Variants in CSMD1 observed in about 807,000 individuals in gnomAD.
The protein encoded by CSMD1 is CUB and Sushi multiple domains 1.
A neutral mutation model predicts 417.5 loss-of-function variants in CSMD1; 213 were observed. That is an observed-to-expected ratio of 0.51 (90% CI 0.46 to 0.57). The LOEUF is 0.57. Ranked by LOEUF, CSMD1 falls within the 20% of genes least tolerant of loss-of-function variation. The pLI, the probability that CSMD1 is intolerant of heterozygous loss-of-function variation, is 0.00. For missense variants in CSMD1, 6,923 were observed against 4,529.7 expected (o/e 1.53, Z -15.17); for synonymous variants, 2,862 against 1,736.8 (o/e 1.65, Z -16.11).
intron 7 of CSMD1, among the ~76,000 whole-genome samples, chr8:3,647,296 T>C (rs778626996): frequency 6.6e-6 from 1 of 152,184 alleles, no homozygotes; most frequent in African/African-American, 2.4e-5. Context: ...CCCAATGTCA[T>C]GTGTGAGCCT....
intron 2 of CSMD1, among the ~76,000 whole-genome samples, chr8:4,487,726 T>G (rs776438732): frequency 2.6e-5 from 4 of 152,130 alleles, no homozygotes; most frequent in Non-Finnish European, 5.9e-5. Context: ...TTAGAGGATA[T>G]AAAAATAAAG....
chr8:4,684,320 G>C (rs184305889), intron 1 of CSMD1, among the ~76,000 whole-genome samples: 9 of 152,256 alleles, frequency 5.9e-5, no homozygotes, highest in African/African-American at 1.9e-4. Flanking sequence ...TCGGTTTTCT[G>C]TTTGTCCAAC....
At chr8:4,062,840 A>G (rs1426328697) in intron 3 of CSMD1, among the ~76,000 whole-genome samples, 2 of 151,906 alleles carry the variant, frequency 1.3e-5, no homozygotes, top group Non-Finnish European at 1.5e-5. Flanking sequence ...GTGTGTCAAA[A>G]CCCTACCAGC....
At chr8:4,260,179 TATTG>T (rs1313588243) in intron 3 of CSMD1, among the ~76,000 whole-genome samples, 1 of 152,186 alleles carries the variant, frequency 6.6e-6, no homozygotes, top group Non-Finnish European at 1.5e-5. Context: ...TCCTTGCAAG[TATTG>T]ATTATTATCA....
chr8:4,415,850 T>C (rs1309556974), intron 3 of CSMD1, among the ~76,000 whole-genome samples: 2 of 152,162 alleles, frequency 1.3e-5, no homozygotes, highest in Admixed American at 1.3e-4. Flanking sequence ...TATACGTAAA[T>C]AAACGTAATA....
intron 3 of CSMD1, among the ~76,000 whole-genome samples, chr8:4,190,027 G>T (rs893257934): frequency 6.6e-6 from 1 of 151,850 alleles, no homozygotes; most frequent in Non-Finnish European, 1.5e-5. Flanking sequence ...GGGAGGCCAA[G>T]GCAGGTAGAA....
intron 3 of CSMD1, among the ~76,000 whole-genome samples, chr8:4,159,275 G>A (rs951037053): frequency 1.3e-5 from 2 of 152,124 alleles, no homozygotes; most frequent in East Asian, 1.9e-4. Flanking sequence ...AGCATTTAGT[G>A]TAAGTTTAAT....
chr8:3,260,533 G>C (rs1220652716), intron 26 of CSMD1, among the ~76,000 whole-genome samples: 1 of 152,016 alleles, frequency 6.6e-6, no homozygotes, highest in South Asian at 2.1e-4. Context: ...TTTCATTTCT[G>C]AAAATGTCAG....
chr8:4,472,005 C>A (rs1024432953), intron 2 of CSMD1, among the ~76,000 whole-genome samples: 4 of 152,114 alleles, frequency 2.6e-5, no homozygotes, highest in African/African-American at 9.7e-5. Flanking sequence ...CCCTAAGAAT[C>A]AACATTTCTT....
chr8:3,597,910 A>G (rs368425664), intron 8 of CSMD1, among the ~76,000 whole-genome samples: 1 of 152,156 alleles, frequency 6.6e-6, no homozygotes, highest in Non-Finnish European at 1.5e-5. Flanking sequence ...GGGTGCAGCA[A>G]ACCAACATGG....
At chr8:3,039,959 T>C (rs1001226747) in intron 50 of CSMD1, among the ~76,000 whole-genome samples, 1 of 152,150 alleles carries the variant, frequency 6.6e-6, no homozygotes, top group Non-Finnish European at 1.5e-5. Flanking sequence ...GGAATTCTCT[T>C]AAAAGAAGGG....
chr8:4,055,738 C>G (rs1798657487), intron 3 of CSMD1, among the ~76,000 whole-genome samples: 2 of 152,002 alleles, frequency 1.3e-5, no homozygotes, highest in Non-Finnish European at 2.9e-5. Context: ...TGCTGTCATC[C>G]ACAACAGAAT....
intron 3 of CSMD1, among the ~76,000 whole-genome samples, chr8:4,314,715 C>G (rs963872763): frequency 6.6e-6 from 1 of 152,138 alleles, no homozygotes; most frequent in Non-Finnish European, 1.5e-5. Flanking sequence ...TTCTTACGTA[C>G]ACACATACAT....
At chr8:4,890,252 G>C (rs1211342960) in intron 1 of CSMD1, among the ~76,000 whole-genome samples, 2 of 152,140 alleles carry the variant, frequency 1.3e-5, no homozygotes, top group African/African-American at 2.4e-5. Context: ...GCACGATAGA[G>C]TGGAGTGAAT....
chr8:4,813,757 G>A (rs891633817), intron 1 of CSMD1, among the ~76,000 whole-genome samples: 2 of 152,166 alleles, frequency 1.3e-5, no homozygotes, highest in South Asian at 4.1e-4. Context: ...TTAAGAAAAT[G>A]CATTTTGGAG....
intron 1 of CSMD1, among the ~76,000 whole-genome samples, chr8:4,899,728 C>T (rs1421457016): frequency 6.6e-6 from 1 of 152,128 alleles, no homozygotes; most frequent in Non-Finnish European, 1.5e-5. Context: ...TCTCACTGGA[C>T]CTTTTTCTTG....
At chr8:3,489,185 T>G (rs1818226622) in intron 11 of CSMD1, among the ~76,000 whole-genome samples, 1 of 152,174 alleles carries the variant, frequency 6.6e-6, no homozygotes, top group Non-Finnish European at 1.5e-5. Flanking sequence ...AAATGACGTC[T>G]CAGCCATGCC....
At chr8:3,047,112 G>A (rs1811503261) in intron 50 of CSMD1, among the ~76,000 whole-genome samples, 1 of 151,226 alleles carries the variant, frequency 6.6e-6, no homozygotes, top group African/African-American at 2.4e-5. Flanking sequence ...GGAGACTGAG[G>A]CAGGAGAATC....
chr8:4,401,046 T>C (rs980407400), intron 3 of CSMD1, among the ~76,000 whole-genome samples: 2 of 152,162 alleles, frequency 1.3e-5, no homozygotes, highest in African/African-American at 4.8e-5. Flanking sequence ...ACGCTGAGCA[T>C]GCAATATGAT....
Sources: allele counts gnomAD v4.1 joint callset (sites outside exome capture counted in the v4.1 genomes callset), GRCh38; gene constraint gnomAD v4.1.1; transcripts MANE v1.5; gene names NCBI Gene and HGNC (gene_info 2026-07-23, HGNC 2026-07-21).